Variants in FANCA observed in about 807,000 individuals in gnomAD.
The protein encoded by FANCA is Fanconi anemia group A protein.
A neutral mutation model predicts 194.3 loss-of-function variants in FANCA; 236 were observed. The observed-to-expected ratio is 1.21, with a 90% CI of 1.09 to 1.35. FANCA has a LOEUF of 1.35. Among genes scored for constraint, FANCA ranks in the 40% most tolerant of loss-of-function variants. The pLI is 0.00. For synonymous variants in FANCA, 1,014 were observed against 715.8 expected (o/e 1.42, Z -6.65); for missense variants, 2,628 against 1,813.9 (o/e 1.45, Z -8.15).
intron 6 of FANCA, among the ~76,000 whole-genome samples, chr16:89,807,870 G>A (rs189897763): frequency 1.1e-3 from 163 of 151,788 alleles, no homozygotes; most frequent in African/African-American, 3.1e-3. Flanking sequence ...GTGACAGAAC[G>A]AGACTCTGTC....
chr16:89,775,209 A>G (rs1567622599), intron 21 of FANCA, among the ~76,000 whole-genome samples: 2 of 152,110 alleles, frequency 1.3e-5, no homozygotes. Context: ...AAGAAAAACC[A>G]GCCTCATGAT....
chr16:89,770,430 C>T, intron 24 of FANCA, 134 bp downstream of exon 24: 1 of 1,030,292 alleles, frequency 9.7e-7, no homozygotes, highest in South Asian at 1.4e-5. Context: ...CTGCTGCGTC[C>T]TATTTGATGA....
chr16:89,757,963 C>G (rs1289336965), intron 30 of FANCA, among the ~76,000 whole-genome samples: 2 of 152,202 alleles, frequency 1.3e-5, no homozygotes, highest in African/African-American at 4.8e-5. Flanking sequence ...TCAAGCAATC[C>G]TCCTGCCTCA....
chr16:89,813,404 TCTG>T (rs1191803182), intron 3 of FANCA, among the ~76,000 whole-genome samples: 3 of 120,604 alleles, frequency 2.5e-5, no homozygotes, highest in East Asian at 1.3e-3. Context: ...TGAGACCCTG[TCTG>T]TTAAAAAAAA....
rs899215245 is a variant in FANCA at position 89,789,310 on chromosome 16, G to C, written c.1359+2093C>G. 4.8e-4 allele frequency among the ~76,000 whole-genome samples: 27 copies of C among 56,458 alleles called. 1 individual carries two copies. The highest frequency in any genetic ancestry group is 8.1e-4 in the South Asian group (1 of 1,240). 37.0% of individuals were successfully genotyped at this position (56,458 alleles called of 152,430 possible). On this transcript the variant is annotated intron_variant, in intron 14 of 42. Coordinates refer to ENST00000389301, the MANE Select transcript of FANCA (RefSeq NM_000135.4). ...GCCTCAGCTCCTCAGAAGGCCTGGG[G>C]GGGGAGCAGGCACCGCAGCCACGAT...
At chr16:89,801,924 G>A (rs780842805) in intron 8 of FANCA, among the ~76,000 whole-genome samples, 4 of 152,130 alleles carry the variant, frequency 2.6e-5, no homozygotes, top group South Asian at 2.1e-4. Flanking sequence ...AACCAGAACT[G>A]CCATATGATC....
chr16:89,815,453 T>C (rs2041072294), intron 2 of FANCA, among the ~76,000 whole-genome samples: 1 of 144,016 alleles, frequency 6.9e-6, no homozygotes, highest in Non-Finnish European at 1.5e-5. Context: ...GGGTCCAGGT[T>C]CAAGCAATTC....
At chr16:89,766,430 C>T (rs1030699208) in intron 27 of FANCA, among the ~76,000 whole-genome samples, 6 of 151,918 alleles carry the variant, frequency 3.9e-5, no homozygotes, top group Admixed American at 6.6e-5. Flanking sequence ...TTGTCTGGGC[C>T]GGGCACCAGC....
chr16:89,790,648 G>T (rs1598150067), intron 14 of FANCA, among the ~76,000 whole-genome samples: 1 of 151,834 alleles, frequency 6.6e-6, no homozygotes, highest in African/African-American at 2.4e-5. Context: ...AGAATAGCTT[G>T]AAACGGGGCA....
Position 89,816,632 on chromosome 16 carries a change from G to A in FANCA, c.-17C>T. On this transcript the variant is annotated 5_prime_UTR_variant, in exon 1 of 43. Coordinates refer to ENST00000389301, the MANE Select transcript of FANCA (RefSeq NM_000135.4). ...GTCGGACATGGCCTTGGCGCCTACAGCCCCGGCGGCGGCTCCCTGCGCCCG... is the reference window on the plus strand; with the variant it reads ...GTCGGACATGGCCTTGGCGCCTACAACCCCGGCGGCGGCTCCCTGCGCCCG... The A allele has an allele frequency of 4.0e-6, 6 of 1,517,272 alleles. No homozygotes were observed. The highest frequency in any genetic ancestry group is 2.4e-5 in the South Asian group (2 of 82,244). The allele number at this position is 1,517,272 out of a possible 1,614,324, so 94.0% of individuals were successfully genotyped here. A position where few individuals can be genotyped will look rare whatever the true frequency, so the allele number is the denominator to read the frequency against.
At chr16:89,739,920 G>T in intron 39 of FANCA, 74 bp downstream of exon 39, 1 of 1,600,680 alleles carries the variant, frequency 6.2e-7, no homozygotes, top group South Asian at 1.1e-5. Flanking sequence ...AGGAGGGCTC[G>T]TTCTTAACCA....
chr16:89,798,851 G>C (rs1224502569), intron 10 of FANCA: 4 of 1,516,530 alleles, frequency 2.6e-6, no homozygotes, highest in African/African-American at 1.4e-5. Flanking sequence ...CAGGGAAGGA[G>C]GAGCAAGGGG....
chr16:89,782,969 G>A (rs896514003), intron 16 of FANCA, 38 bp downstream of exon 16: 6 of 1,611,934 alleles, frequency 3.7e-6, no homozygotes, highest in Non-Finnish European at 4.2e-6. Context: ...GTTTCTGCTG[G>A]GACAGGTGTG....
intron 3 of FANCA, among the ~76,000 whole-genome samples, chr16:89,813,671 G>A (rs572568875): frequency 1.2e-4 from 18 of 152,228 alleles, no homozygotes; most frequent in African/African-American, 3.9e-4. Flanking sequence ...GACCTCAGGT[G>A]ATCCGCACAC....
At chr16:89,798,717 C>T (rs2040332990) in intron 10 of FANCA, 2 of 1,324,506 alleles carry the variant, frequency 1.5e-6, no homozygotes, top group Non-Finnish European at 1.9e-6. Flanking sequence ...GCTTTGCCTA[C>T]TGGTGAATCT....
intron 23 of FANCA, among the ~76,000 whole-genome samples, chr16:89,771,477 T>A (rs1598113056): frequency 1.3e-5 from 2 of 152,052 alleles, no homozygotes; most frequent in African/African-American, 4.8e-5. Flanking sequence ...AATAAATAAA[T>A]AAAATGTAAA....
At position 89,742,942 on chromosome 16, in the gene FANCA, GGACA is replaced by G; in HGVS notation, c.3627-8_3627-5del. The G allele has an allele frequency of 6.2e-7, 1 of 1,613,610 alleles. No homozygotes were observed. Among genetic ancestry groups the G allele is most frequent in the Non-Finnish European group, 8.5e-7 (1 of 1,179,628 alleles). ...GGCAGCCTCAGGGGAGAGGAAACTGGGACAGAGAGAACGGGGTCATTGCAGGGCC... is the reference window on the plus strand; with the variant it reads ...GGCAGCCTCAGGGGAGAGGAAACTGGGAGAGAACGGGGTCATTGCAGGGCC... On this transcript the variant is annotated splice_polypyrimidine_tract_variant and splice_region_variant and intron_variant, in intron 36 of 42. Transcript: ENST00000389301.
At chr16:89,816,153 C>G in intron 1 of FANCA, 167 bp from the exon 2 acceptor site, 3 of 673,886 alleles carry the variant, frequency 4.5e-6, no homozygotes, top group Non-Finnish European at 8.1e-6. Flanking sequence ...CGGAGACGGC[C>G]CCACCGCGGA....
chr16:89,755,326 G>A (rs1478638808), intron 30 of FANCA, among the ~76,000 whole-genome samples: 2 of 134,446 alleles, frequency 1.5e-5, no homozygotes, highest in African/African-American at 2.5e-5. Flanking sequence ...GTCTCCTGCC[G>A]CCTCAGCCTC....
Sources: allele counts gnomAD v4.1 joint callset (sites outside exome capture counted in the v4.1 genomes callset), GRCh38; gene constraint gnomAD v4.1.1; transcripts MANE v1.5; gene names NCBI Gene and HGNC (gene_info 2026-07-23, HGNC 2026-07-21).